ENOX1: variants seen among roughly 807,000 people sequenced by gnomAD.
ENOX1 encodes ecto-NOX disulfide-thiol exchanger 1, also known as candidate growth-related and time keeping constitutive hydroquinone (NADH) oxidase.
A neutral mutation model predicts 82.5 loss-of-function variants in ENOX1; 42 were observed. The ratio of observed to expected loss-of-function variants is 0.51; its 90% CI spans 0.40 to 0.66. ENOX1 has a LOEUF of 0.66. ENOX1 is among the 30% of genes least tolerant of loss of function. The probability of loss-of-function intolerance (pLI) is 0.00; values close to 1 mark genes in which losing one functional copy is unlikely to be tolerated. For missense variants in ENOX1, 608 were observed against 811.6 expected (o/e 0.75, Z 3.05); for synonymous variants, 271 against 282.2 (o/e 0.96, Z 0.40).
Position 43,786,353 on chromosome 13 carries a change from T to G in ENOX1, c.-285+299A>C, listed in dbSNP as rs530683915. Among the ~76,000 whole-genome samples, 26 of 150,852 alleles carry G rather than the reference T, an allele frequency of 1.7e-4. No individual in the cohort carries two copies. Among genetic ancestry groups the G allele is most frequent in the African/African-American group, 6.3e-4 (26 of 41,024 alleles). On this transcript the variant is annotated intron_variant, in intron 1 of 16. Transcript: ENST00000690772. This position sits in a 1 kb window ranked among gnomAD's most constrained non-coding sequence, Gnocchi z 6.0. ...CGGGCGCGGAGCCCGGAGCTGACACTGGCTGGCGGGCGGAGGGGAGAGCGG... is the reference window on the plus strand; with the variant it reads ...CGGGCGCGGAGCCCGGAGCTGACACGGGCTGGCGGGCGGAGGGGAGAGCGG...
At chr13:43,290,886 G>T (rs1319347101) in intron 12 of ENOX1, among the ~76,000 whole-genome samples, 1 of 152,000 alleles carries the variant, frequency 6.6e-6, no homozygotes, top group African/African-American at 2.4e-5. Flanking sequence ...AATTAACCAG[G>T]CGCAGTGACA....
chr13:43,385,127 C>A (rs1008355066), intron 5 of ENOX1, among the ~76,000 whole-genome samples: 2 of 151,902 alleles, frequency 1.3e-5, no homozygotes, highest in African/African-American at 4.8e-5. Context: ...TAAATGAGTC[C>A]TTTTTTCTGT....
chr13:43,376,610 A>C (rs560176749), intron 5 of ENOX1, among the ~76,000 whole-genome samples: 1 of 152,344 alleles, frequency 6.6e-6, no homozygotes, highest in East Asian at 1.9e-4. Flanking sequence ...TAAAGAGCTG[A>C]AACTCTACCC....
intron 2 of ENOX1, among the ~76,000 whole-genome samples, chr13:43,511,012 G>A (rs1472949484): frequency 6.6e-6 from 1 of 152,058 alleles, no homozygotes; most frequent in Non-Finnish European, 1.5e-5. Flanking sequence ...GCAAGTTTAA[G>A]GCTATATTTT....
At position 43,538,177 on chromosome 13, in the gene ENOX1, C is replaced by T. The variant is rs541573898; in HGVS notation, c.-218-54025G>A. On this transcript the variant is annotated intron_variant, in intron 2 of 16. Transcript: ENST00000690772. ...GATATAGCCACTCTCTCAGGTAATG[C>T]CTAACTTAACATCATGATATATTTA... 9.2e-5 allele frequency among the ~76,000 whole-genome samples: 14 copies of T among 152,342 alleles called. 1 individual carries two copies. In the South Asian group the frequency reaches 2.9e-3, roughly 32 times the overall value.
chr13:43,326,691 G>T (rs1385726174), intron 9 of ENOX1, among the ~76,000 whole-genome samples, 166 bp from the exon 10 acceptor site: 1 of 152,148 alleles, frequency 6.6e-6, no homozygotes, highest in Non-Finnish European at 1.5e-5. Flanking sequence ...GCAAGGTTGG[G>T]GATGTCTCCC....
At chr13:43,404,628 T>C (rs2053680617) in intron 5 of ENOX1, among the ~76,000 whole-genome samples, 1 of 152,250 alleles carries the variant, frequency 6.6e-6, no homozygotes, top group East Asian at 1.9e-4. Context: ...TGTATAATTA[T>C]TTGATAACAT....
At chr13:43,238,600 G>T (rs969561902) in intron 14 of ENOX1, among the ~76,000 whole-genome samples, 47 of 152,044 alleles carry the variant, frequency 3.1e-4, no homozygotes, top group Non-Finnish European at 2.9e-4. Context: ...TTGAGCAGAC[G>T]CAAGCTGAAG....
rs115017037 is a variant in ENOX1, at chr13:43,488,503, C to A, written c.-218-4351G>T. 6.4e-3 allele frequency among the ~76,000 whole-genome samples: 969 copies of A among 152,242 alleles called. 13 individuals carry two copies. Among genetic ancestry groups the A allele is most frequent in the African/African-American group, 0.022 (928 of 41,548 alleles). ...TAATCAATGGTATTTGTTATAGGAA[C>A]AACAAAGGCAGAAATTGGTGCCAGA... is the stretch of plus-strand genomic sequence containing the variant. On this transcript the variant is annotated intron_variant, in intron 2 of 16. Coordinates refer to ENST00000690772, the MANE Select transcript of ENOX1 (RefSeq NM_001347969.2).
chr13:43,684,364 C>T (rs938759587), intron 1 of ENOX1, among the ~76,000 whole-genome samples: 2 of 152,164 alleles, frequency 1.3e-5, no homozygotes, highest in African/African-American at 4.8e-5. Flanking sequence ...TTTCACTCAG[C>T]TATATTTGAT....
At chr13:43,610,001 C>A in intron 2 of ENOX1, 1 of 673,608 alleles carries the variant, frequency 1.5e-6, no homozygotes, top group Non-Finnish European at 1.8e-6. Context: ...CCTATTTTCC[C>A]AAGTTTTGAA....
intron 2 of ENOX1, among the ~76,000 whole-genome samples, chr13:43,618,913 T>C (rs1023444927): frequency 1.3e-5 from 2 of 152,128 alleles, no homozygotes; most frequent in Admixed American, 1.3e-4. Context: ...ATTATTTCTT[T>C]CAGCCATGTT....
intron 1 of ENOX1, among the ~76,000 whole-genome samples, chr13:43,768,578 G>A (rs1230258086): frequency 2.0e-5 from 3 of 152,170 alleles, no homozygotes; most frequent in African/African-American, 7.2e-5. Context: ...CTATGATCAT[G>A]CCACTGCACT....
At position 43,217,171 on chromosome 13, in the gene ENOX1, G is replaced by T. The variant is rs552597875; in HGVS notation, c.1801-3050C>A. 1.8e-3 allele frequency among the ~76,000 whole-genome samples: 279 copies of T among 152,246 alleles called. 1 individual carries two copies. Among genetic ancestry groups the T allele is most frequent in the Non-Finnish European group, 3.4e-3 (230 of 68,014 alleles). On this transcript the variant is annotated intron_variant, in intron 16 of 16. Coordinates refer to ENST00000690772, the MANE Select transcript of ENOX1 (RefSeq NM_001347969.2). ...AGTAAGGACAGGAAATAATCCTCTTGGTCACTGCCTCTCTGGCCCTGGGTG... is the reference window on the plus strand; with the variant it reads ...AGTAAGGACAGGAAATAATCCTCTTTGTCACTGCCTCTCTGGCCCTGGGTG...
chr13:43,739,095 T>C (rs1343351566), intron 1 of ENOX1, among the ~76,000 whole-genome samples: 1 of 152,220 alleles, frequency 6.6e-6, no homozygotes, highest in Non-Finnish European at 1.5e-5. Flanking sequence ...ATCAGATTAA[T>C]TGACACCATT....
intron 14 of ENOX1, among the ~76,000 whole-genome samples, chr13:43,247,916 C>T (rs1216956048): frequency 2.6e-5 from 2 of 75,744 alleles, no homozygotes; most frequent in Non-Finnish European, 4.9e-5. Context: ...GACGGAGTCT[C>T]GCTCTGTCGC....
At chr13:43,312,107 A>T (rs913427959) in intron 11 of ENOX1, among the ~76,000 whole-genome samples, 4 of 152,242 alleles carry the variant, frequency 2.6e-5, no homozygotes, top group African/African-American at 9.6e-5. Flanking sequence ...ACTTGTATTT[A>T]TTCAGCAGCT....
intron 5 of ENOX1, among the ~76,000 whole-genome samples, chr13:43,377,073 G>C (rs1397115285): frequency 6.6e-6 from 1 of 152,102 alleles, no homozygotes. Context: ...TAAATTTCAT[G>C]GTTAGAAATT....
chr13:43,403,774 AAGCTGTAGTG>A (rs1332023072), intron 5 of ENOX1, among the ~76,000 whole-genome samples: 3 of 152,112 alleles, frequency 2.0e-5, no homozygotes. Flanking sequence ...CGGGAAGTTG[AAGCTGTAGTG>A]AGCTGTGATC....
Sources: allele counts gnomAD v4.1 joint callset (sites outside exome capture counted in the v4.1 genomes callset), GRCh38; gene constraint gnomAD v4.1.1; non-coding constraint Gnocchi (gnomAD v3.1); transcripts MANE v1.5; gene names NCBI Gene and HGNC (gene_info 2026-07-23, HGNC 2026-07-21).